Variants in SDK1 observed in about 807,000 individuals in gnomAD.
SDK1 encodes the protein sidekick cell adhesion molecule 1, also known as protein sidekick-1.
A neutral mutation model predicts 245.5 loss-of-function variants in SDK1; 157 were observed. The observed-to-expected ratio is 0.64, with a 90% confidence interval of 0.56 to 0.73. The LOEUF (loss-of-function observed/expected upper bound fraction) is 0.73, where lower values mean the gene tolerates loss of function less well. SDK1 is among the 30% of genes least tolerant of loss of function. The pLI is 0.00. For synonymous variants in SDK1, 1,647 were observed against 1,278.5 expected, an observed-to-expected ratio of 1.29 and a Z score of -6.15; for missense variants, 3,583 against 3,002.3, an observed-to-expected ratio of 1.19 and a Z score of -4.52.
chr7:3,608,972 C>T (rs1446087993), intron 1 of SDK1, among the ~76,000 whole-genome samples: 1 of 152,040 alleles, frequency 6.6e-6, no homozygotes, highest in East Asian at 1.9e-4. Context: ...AGACTAAATG[C>T]AGAAGCAGGT....
At chr7:3,888,903 T>C (rs147693694) in intron 5 of SDK1, among the ~76,000 whole-genome samples, 22 of 152,362 alleles carry the variant, frequency 1.4e-4, no homozygotes, top group African/African-American at 5.0e-4. Flanking sequence ...AATCTATGTG[T>C]CTAAAAATTG....
intron 41 of SDK1, among the ~76,000 whole-genome samples, chr7:4,233,817 C>T (rs547281922): frequency 1.3e-5 from 2 of 152,106 alleles, no homozygotes; most frequent in African/African-American, 2.4e-5. Flanking sequence ...GGACCCCAGG[C>T]CCCAGAGCCT....
At position 3,401,816 on chromosome 7, in the gene SDK1, A is replaced by C. The variant is rs114668370; in HGVS notation, c.298+99932A>C. Among the ~76,000 whole-genome samples, 376 of 152,288 alleles carry C rather than the reference A, an allele frequency of 2.5e-3. 4 individuals carry two copies. Among genetic ancestry groups the C allele is most frequent in the African/African-American group, 8.7e-3 (360 of 41,548 alleles). ...AACTGTTAACATCTGAATCTTGGCC[A>C]AAATGAGCACAAATGGCATTTGTAT... On this transcript the variant is annotated intron_variant, in intron 1 of 44. Transcript: ENST00000404826.
chr7:3,580,994 ACCAAAAC>A lies in SDK1; in HGVS notation c.299-38085_299-38079del, dbSNP rs368857760. On this transcript the variant is annotated intron_variant, in intron 1 of 44. Coordinates refer to ENST00000404826, the MANE Select transcript of SDK1 (RefSeq NM_152744.4). ...AAAAAAAAAAAAAAAAAAAAAAAAA[ACCAAAAC>A]AAAACCCTGGAAGACAATCTATGCA... is the stretch of plus-strand genomic sequence containing the variant. Among the ~76,000 whole-genome samples, 13 of 107,236 alleles carry A rather than the reference ACCAAAAC, an allele frequency of 1.2e-4. 1 individual carries two copies. Among genetic ancestry groups the A allele is most frequent in the African/African-American group, 1.8e-4 (5 of 28,486 alleles). 70.4% of individuals were successfully genotyped at this position (107,236 alleles called of 152,430 possible). A position where few individuals can be genotyped will look rare whatever the true frequency, so the allele number is the denominator to read the frequency against.
chr7:4,118,370 A>G (rs1158861046), intron 25 of SDK1, among the ~76,000 whole-genome samples: 1 of 152,222 alleles, frequency 6.6e-6, no homozygotes, highest in African/African-American at 2.4e-5. Flanking sequence ...CTAAGCTGCA[A>G]TGAGATACCA....
chr7:4,010,915 T>C, intron 14 of SDK1, 51 bp from the exon 15 acceptor site: 1 of 1,596,938 alleles, frequency 6.3e-7, no homozygotes, highest in Non-Finnish European at 8.6e-7. Flanking sequence ...CCTCTTATTA[T>C]TCAGACATGA....
chr7:3,627,627 T>C (rs757192784), intron 2 of SDK1, among the ~76,000 whole-genome samples: 7 of 152,254 alleles, frequency 4.6e-5, no homozygotes, highest in Admixed American at 1.3e-4. Flanking sequence ...GTTTGGCATC[T>C]GGCATTGGCA....
chr7:3,639,346 G>T (rs1271952320), intron 3 of SDK1, among the ~76,000 whole-genome samples: 1 of 152,168 alleles, frequency 6.6e-6, no homozygotes, highest in Non-Finnish European at 1.5e-5. Flanking sequence ...GACCCTAAGA[G>T]GCCCTGGGGA....
At position 4,051,651 on chromosome 7, in the gene SDK1, C is replaced by A; in HGVS notation, c.2732C>A (p.Pro911Gln). The change falls in exon 19 of 45, where the codon CCG becomes CAG. Residue 911 changes from proline (P) to glutamine (Q), a missense_variant. Pro to Gln is a moderately conservative substitution (Grantham distance 76). Transcript: ENST00000404826. ...INQGYKLLAW[P>Q]ADAPEAVTVV... is the part of the protein sequence containing the mutation. ...GTTCCATCTCAGCTTCTGGCATGGC[C>A]GGCAGATGCCCCCGAGGCTGTCACT... 1 of 1,610,760 alleles carries A rather than the reference C, an allele frequency of 6.2e-7. No homozygotes were observed. The highest frequency in any genetic ancestry group is 1.1e-5 in the South Asian group (1 of 90,288).
At chr7:3,493,202 CG>C (rs1781917001) in intron 1 of SDK1, among the ~76,000 whole-genome samples, 1 of 152,130 alleles carries the variant, frequency 6.6e-6, no homozygotes, top group African/African-American at 2.4e-5. Flanking sequence ...CCTCACACCT[CG>C]GCCTCCCAAA....
At chr7:3,949,525 G>A (rs138416280) in intron 5 of SDK1, among the ~76,000 whole-genome samples, 5 of 152,312 alleles carry the variant, frequency 3.3e-5, no homozygotes, top group Middle Eastern at 3.4e-3. Flanking sequence ...ATGGTGGCGA[G>A]TCCCTTCAGC....
intron 4 of SDK1, among the ~76,000 whole-genome samples, chr7:3,783,312 T>C (rs1449747313): frequency 6.6e-6 from 1 of 152,192 alleles, no homozygotes; most frequent in Non-Finnish European, 1.5e-5. Context: ...CAAACATGCC[T>C]ATTCTTGCCA....
intron 5 of SDK1, among the ~76,000 whole-genome samples, chr7:3,838,667 A>G (rs1780082726): frequency 6.6e-6 from 1 of 152,156 alleles, no homozygotes; most frequent in Admixed American, 6.5e-5. Flanking sequence ...CCGTCCCTGA[A>G]CACAGCGATC....
At chr7:3,539,342 A>G (rs1033592207) in intron 1 of SDK1, among the ~76,000 whole-genome samples, 4 of 152,198 alleles carry the variant, frequency 2.6e-5, no homozygotes, top group Admixed American at 6.5e-5. Context: ...AACTAGATAG[A>G]TAGGTAGGTA....
chr7:3,440,703 T>C (rs1010002), intron 1 of SDK1, among the ~76,000 whole-genome samples: 2 of 152,064 alleles, frequency 1.3e-5, no homozygotes, highest in African/African-American at 4.8e-5. Flanking sequence ...GAGAAAAATA[T>C]GCTGAGGTTG....
intron 33 of SDK1, among the ~76,000 whole-genome samples, chr7:4,175,128 G>C (rs115507123): frequency 2.0e-5 from 3 of 152,188 alleles, no homozygotes; most frequent in Non-Finnish European, 4.4e-5. Flanking sequence ...CCCAGTGCGC[G>C]GACGGCAGCA....
rs6979520 is a variant in SDK1 at position 4,206,033 on chromosome 7, T to C, written c.5214+39T>C. On this transcript the variant is annotated intron_variant, in intron 36 of 44. Transcript: ENST00000404826. ...GTGCGGTTGCCTCCCCTGGCTCGCT[T>C]GGGCACCCCTCGTTCACGTGGTCCT... The C allele has an allele frequency of 2.0e-3, 2,670 of 1,345,908 alleles. 54 individuals are homozygous for C. The African/African-American group carries it at 0.035, about 18-fold the overall frequency. 83.4% of individuals were successfully genotyped at this position (1,345,908 alleles called of 1,614,324 possible). A position where few individuals can be genotyped will look rare whatever the true frequency, so the allele number is the denominator to read the frequency against.
chr7:3,539,513 G>C (rs1778992368), intron 1 of SDK1, among the ~76,000 whole-genome samples: 1 of 152,170 alleles, frequency 6.6e-6, no homozygotes. Flanking sequence ...TGCCCGCCTT[G>C]AAAGTCCACT....
intron 22 of SDK1, among the ~76,000 whole-genome samples, chr7:4,083,733 C>CCTCCCTCCTTT (rs1562785176): frequency 0.037 from 317 of 8,556 alleles, 85 homozygotes; most frequent in African/African-American, 0.084. Context: ...TTACTTCCTC[C>CCTCCCTCCTTT]ATCCCTCCCT....
Sources: gnomAD v4.1 joint callset for allele counts (sites outside exome capture counted in the v4.1 genomes callset) on GRCh38, gnomAD v4.1.1 for gene constraint, MANE v1.5 for transcripts, NCBI Gene and HGNC (gene_info 2026-07-23, HGNC 2026-07-21) for gene names.